Variants in IGF2BP2 observed in about 807,000 individuals in gnomAD.
IGF2BP2 encodes the protein insulin like growth factor 2 mRNA binding protein 2.
A neutral mutation model predicts 75.8 loss-of-function variants in IGF2BP2; 17 were observed. The observed-to-expected ratio is 0.22, with a 90% CI of 0.15 to 0.34. The LOEUF is 0.34. IGF2BP2 is among the 10% of genes least tolerant of loss of function. The probability of loss-of-function intolerance (pLI) is 1.00; values close to 1 mark genes in which losing one functional copy is unlikely to be tolerated. For synonymous variants in IGF2BP2, 288 were observed against 295.6 expected, an observed-to-expected ratio of 0.97 and a Z score of 0.26; for missense variants, 516 against 772.4, an observed-to-expected ratio of 0.67 and a Z score of 3.93.
chr3:185,649,168 G>T (rs191175843), intron 14 of IGF2BP2, among the ~76,000 whole-genome samples: 8 of 152,192 alleles, frequency 5.3e-5, no homozygotes, highest in Non-Finnish European at 7.4e-5. Context: ...TTGGTGCTGG[G>T]CTTACAGCAC....
intron 4 of IGF2BP2, among the ~76,000 whole-genome samples, chr3:185,695,747 A>G (rs1365060580): frequency 1.3e-5 from 2 of 152,214 alleles, no homozygotes; most frequent in Non-Finnish European, 2.9e-5. Flanking sequence ...TGCTCCTGAG[A>G]CAGGTGTTCT....
intron 2 of IGF2BP2, among the ~76,000 whole-genome samples, chr3:185,787,359 AT>A (rs1279105249): frequency 2.0e-5 from 3 of 152,252 alleles, no homozygotes; most frequent in African/African-American, 7.2e-5. Context: ...CATTTAAAAA[AT>A]ATTTAACGTT....
intron 2 of IGF2BP2, chr3:185,724,573 C>T (rs1727047173): frequency 6.6e-6 from 1 of 152,178 alleles, no homozygotes; most frequent in African/African-American, 2.4e-5. Context: ...GATTCAGCTC[C>T]TTCATCTAAA....
chr3:185,814,988 A>C (rs1052533521), intron 2 of IGF2BP2, among the ~76,000 whole-genome samples: 11 of 152,140 alleles, frequency 7.2e-5, no homozygotes, highest in African/African-American at 2.2e-4. Flanking sequence ...AAAGCATGCC[A>C]ATCTTTGTGC....
chr3:185,823,279 G>GA, intron 1 of IGF2BP2, 66 bp from the exon 2 acceptor site: 3 of 1,284,066 alleles, frequency 2.3e-6, no homozygotes, highest in Non-Finnish European at 3.3e-6. Flanking sequence ...TCTAGGGGGG[G>GA]CACGCACGGA....
At chr3:185,668,136 TATA>T (rs1265814392) in intron 10 of IGF2BP2, among the ~76,000 whole-genome samples, 2 of 152,216 alleles carry the variant, frequency 1.3e-5, no homozygotes, top group African/African-American at 4.8e-5. Flanking sequence ...TGACATTGTC[TATA>T]ATACAAAAAA....
At chr3:185,803,129 T>C (rs1738507341) in intron 2 of IGF2BP2, among the ~76,000 whole-genome samples, 1 of 152,186 alleles carries the variant, frequency 6.6e-6, no homozygotes, top group South Asian at 2.1e-4. Flanking sequence ...GGCAGGTGGA[T>C]TGCTTGAGGT....
intron 14 of IGF2BP2, among the ~76,000 whole-genome samples, chr3:185,648,040 G>A (rs1167204734): frequency 6.6e-6 from 1 of 152,256 alleles, no homozygotes; most frequent in Non-Finnish European, 1.5e-5. Flanking sequence ...GTGCCCTGGA[G>A]CGCCGACTGC....
At chr3:185,699,015 A>G (rs1236971781) in intron 2 of IGF2BP2, among the ~76,000 whole-genome samples, 5 of 152,022 alleles carry the variant, frequency 3.3e-5, no homozygotes, top group Non-Finnish European at 7.4e-5. Flanking sequence ...GGAGTTCAAC[A>G]TGTTGGCCAG....
intron 7 of IGF2BP2, among the ~76,000 whole-genome samples, chr3:185,679,804 T>A (rs961066827): frequency 6.6e-6 from 1 of 152,120 alleles, no homozygotes; most frequent in East Asian, 1.9e-4. Context: ...TTAGTAGAGA[T>A]GAGGTTTCAC....
At chr3:185,757,459 CTT>C (rs57417087) in intron 2 of IGF2BP2, among the ~76,000 whole-genome samples, 124 of 99,624 alleles carry the variant, frequency 1.2e-3, no homozygotes, top group African/African-American at 3.0e-3. Flanking sequence ...ATATCTCATA[CTT>C]TTTTTTTTTT....
chr3:185,725,542 G>T (rs1262950172), intron 2 of IGF2BP2, among the ~76,000 whole-genome samples: 1 of 152,178 alleles, frequency 6.6e-6, no homozygotes, highest in Non-Finnish European at 1.5e-5. Context: ...ACATAATTAG[G>T]TTCATCCAGA....
chr3:185,744,681 C>T (rs764157302), intron 2 of IGF2BP2, among the ~76,000 whole-genome samples: 5 of 152,080 alleles, frequency 3.3e-5, no homozygotes, highest in Admixed American at 6.5e-5. Context: ...TGGTGGCCGG[C>T]GCCTGTAATC....
chr3:185,797,377 T>C (rs1578337792), intron 2 of IGF2BP2, among the ~76,000 whole-genome samples: 1 of 152,200 alleles, frequency 6.6e-6, no homozygotes, highest in South Asian at 2.1e-4. Context: ...CGGTACTCTT[T>C]TGGCCATATC....
chr3:185,728,065 G>A (rs1484081797), intron 2 of IGF2BP2, among the ~76,000 whole-genome samples: 1 of 152,132 alleles, frequency 6.6e-6, no homozygotes, highest in Non-Finnish European at 1.5e-5. Context: ...GCATAGGGAG[G>A]GGCACTTCCG....
At chr3:185,660,612 A>G (rs1396308922) in intron 10 of IGF2BP2, among the ~76,000 whole-genome samples, 1 of 152,140 alleles carries the variant, frequency 6.6e-6, no homozygotes, top group Non-Finnish European at 1.5e-5. Context: ...TCATGCCCAC[A>G]AGAGGGCGCT....
At chr3:185,681,766 G>A (rs1353993495) in intron 7 of IGF2BP2, among the ~76,000 whole-genome samples, 9 of 152,098 alleles carry the variant, frequency 5.9e-5, no homozygotes, top group Admixed American at 5.2e-4. Flanking sequence ...TAAATCCTGC[G>A]TATAGTCTCC....
chr3:185,733,472 C>A (rs1274407338), intron 2 of IGF2BP2, among the ~76,000 whole-genome samples: 1 of 152,078 alleles, frequency 6.6e-6, no homozygotes, highest in Non-Finnish European at 1.5e-5. Flanking sequence ...TAAATCAGAG[C>A]CAGACTGGGC....
intron 2 of IGF2BP2, chr3:185,712,449 A>G (rs1378776270): frequency 6.6e-6 from 1 of 152,200 alleles, no homozygotes; most frequent in Non-Finnish European, 1.5e-5. Context: ...TTTTATTGTT[A>G]CCAAAGGCTG....
Sources: gnomAD v4.1 joint callset for allele counts (sites outside exome capture counted in the v4.1 genomes callset) on GRCh38, gnomAD v4.1.1 for gene constraint, MANE v1.5 for transcripts, NCBI Gene and HGNC (gene_info 2026-07-23, HGNC 2026-07-21) for gene names.